Variants in PCDH9 observed in about 807,000 individuals in gnomAD.
The protein encoded by PCDH9 is protocadherin-9.
A neutral mutation model predicts 70.6 loss-of-function variants in PCDH9; 24 were observed. The ratio of observed to expected loss-of-function variants is 0.34; its 90% confidence interval spans 0.25 to 0.48. PCDH9 has a LOEUF of 0.48. Ranked by LOEUF, PCDH9 falls within the 20% of genes least tolerant of loss-of-function variation. The pLI is 0.99. For missense variants in PCDH9, 1,281 were observed against 1,503.6 expected, an observed-to-expected ratio of 0.85 and a Z score of 2.45; for synonymous variants, 562 against 558.5, an observed-to-expected ratio of 1.01 and a Z score of -0.09.
chr13:66,778,608 C>T (rs1337062138), intron 3 of PCDH9, among the ~76,000 whole-genome samples: 2 of 152,198 alleles, frequency 1.3e-5, no homozygotes, highest in East Asian at 3.8e-4. Flanking sequence ...AAGAATTACA[C>T]TGAGGTTATA....
intron 2 of PCDH9, among the ~76,000 whole-genome samples, chr13:67,038,444 T>C (rs1263141680): frequency 1.3e-5 from 2 of 152,158 alleles, no homozygotes; most frequent in Non-Finnish European, 2.9e-5. Flanking sequence ...TATAAATATG[T>C]ATATGTATTT....
chr13:66,542,459 G>C (rs1459048040), intron 4 of PCDH9, among the ~76,000 whole-genome samples: 1 of 151,728 alleles, frequency 6.6e-6, no homozygotes, highest in African/African-American at 2.4e-5. Context: ...TCAGTCGAGG[G>C]CCTTAAAATC....
intron 2 of PCDH9, among the ~76,000 whole-genome samples, chr13:67,154,575 CAAAAAA>C (rs753995213): frequency 5.6e-3 from 209 of 37,184 alleles, no homozygotes; most frequent in South Asian, 8.6e-3. Context: ...GACCCTGTCT[CAAAAAA>C]AAAAAAAAAA....
At chr13:66,716,523 G>T (rs1449320935) in intron 3 of PCDH9, among the ~76,000 whole-genome samples, 1 of 152,102 alleles carries the variant, frequency 6.6e-6, no homozygotes, top group Non-Finnish European at 1.5e-5. Flanking sequence ...TGTTAGCTTT[G>T]TAAATAAGGA....
At chr13:67,040,236 T>G (rs1183313100) in intron 2 of PCDH9, among the ~76,000 whole-genome samples, 2 of 152,132 alleles carry the variant, frequency 1.3e-5, no homozygotes, top group Non-Finnish European at 2.9e-5. Context: ...CAGTGTGACG[T>G]TATTCAGAGG....
chr13:66,309,483 A>C (rs918849626), intron 4 of PCDH9, among the ~76,000 whole-genome samples: 1 of 151,934 alleles, frequency 6.6e-6, no homozygotes, highest in Non-Finnish European at 1.5e-5. Flanking sequence ...TATGCTTTTA[A>C]AAAGGAGAAA....
intron 4 of PCDH9, among the ~76,000 whole-genome samples, chr13:66,576,848 A>G (rs2076822488): frequency 6.6e-6 from 1 of 152,136 alleles, no homozygotes; most frequent in South Asian, 2.1e-4. Context: ...TAAAATAAAA[A>G]CAGGTACAAC....
intron 3 of PCDH9, among the ~76,000 whole-genome samples, chr13:66,877,366 C>G (rs1219855849): frequency 6.7e-6 from 1 of 150,198 alleles, no homozygotes; most frequent in Non-Finnish European, 1.5e-5. Flanking sequence ...ATTACTTTCT[C>G]TCCTAGAAGG....
At chr13:66,917,005 C>T (rs1407646188) in intron 2 of PCDH9, among the ~76,000 whole-genome samples, 1 of 151,504 alleles carries the variant, frequency 6.6e-6, no homozygotes, top group Non-Finnish European at 1.5e-5. Flanking sequence ...GCTCATTAAA[C>T]TGAAACTACT....
At chr13:66,514,898 C>G (rs903362780) in intron 4 of PCDH9, among the ~76,000 whole-genome samples, 3 of 152,076 alleles carry the variant, frequency 2.0e-5, no homozygotes, top group Non-Finnish European at 4.4e-5. Flanking sequence ...CCATAATAGT[C>G]CATTTCATAC....
chr13:67,110,530 A>G (rs1353097326), intron 2 of PCDH9, among the ~76,000 whole-genome samples: 7 of 151,658 alleles, frequency 4.6e-5, no homozygotes, highest in Non-Finnish European at 8.8e-5. Flanking sequence ...AAAAAAAAAA[A>G]AAAAAGGGAC....
At chr13:66,962,806 G>T (rs1008506970) in intron 2 of PCDH9, among the ~76,000 whole-genome samples, 1 of 152,102 alleles carries the variant, frequency 6.6e-6, no homozygotes, top group Non-Finnish European at 1.5e-5. Context: ...TTTTCGTAGA[G>T]AATTTCCCAT....
At chr13:67,017,521 T>TG (rs1290629003) in intron 2 of PCDH9, among the ~76,000 whole-genome samples, 1 of 152,230 alleles carries the variant, frequency 6.6e-6, no homozygotes, top group Non-Finnish European at 1.5e-5. Context: ...CACCTGTTAC[T>TG]GTGTGTGTGC....
At chr13:66,551,033 C>G (rs921636873) in intron 4 of PCDH9, among the ~76,000 whole-genome samples, 6 of 152,164 alleles carry the variant, frequency 3.9e-5, no homozygotes. Context: ...CTTTCACAAG[C>G]TTTCCAGCTG....
chr13:66,743,513 A>G lies in PCDH9; in HGVS notation c.3139-112102T>C, dbSNP rs541438990. Among the ~76,000 whole-genome samples the G allele has an allele frequency of 5.9e-5, 9 of 152,186 alleles. No individual in the cohort carries two copies. In the South Asian group the frequency reaches 1.2e-3, roughly 21 times the overall value. On this transcript the variant is annotated intron_variant, in intron 3 of 4. Transcript: ENST00000377865. ...GTATAATAAAAAAAAAAAAATTTGG[A>G]AGAGGTTAGTCAAAGGATACAAAAT...
intron 3 of PCDH9, among the ~76,000 whole-genome samples, chr13:66,729,899 A>G (rs772816801): frequency 6.6e-6 from 1 of 152,204 alleles, no homozygotes; most frequent in African/African-American, 2.4e-5. Flanking sequence ...GACTTCCCAG[A>G]GTAGACTATA....
At chr13:67,118,202 C>T (rs998731250) in intron 2 of PCDH9, among the ~76,000 whole-genome samples, 4 of 113,328 alleles carry the variant, frequency 3.5e-5, no homozygotes, top group African/African-American at 5.9e-5. Flanking sequence ...CCATCCAAAC[C>T]AAACAGAGAG....
intron 4 of PCDH9, among the ~76,000 whole-genome samples, chr13:66,566,761 T>A (rs967540917): frequency 1.6e-5 from 2 of 125,988 alleles, no homozygotes; most frequent in East Asian, 2.4e-4. Flanking sequence ...GTCAATTAGC[T>A]CATAACTTTA....
intron 2 of PCDH9, among the ~76,000 whole-genome samples, chr13:67,174,350 C>G (rs555446031): frequency 1.3e-5 from 2 of 151,918 alleles, no homozygotes; most frequent in Non-Finnish European, 1.5e-5. Flanking sequence ...TACATACAGA[C>G]GAAGGGAGGG....
Sources: gnomAD v4.1 joint callset for allele counts (sites outside exome capture counted in the v4.1 genomes callset) on GRCh38, gnomAD v4.1.1 for gene constraint, MANE v1.5 for transcripts, NCBI Gene and HGNC (gene_info 2026-07-23, HGNC 2026-07-21) for gene names.